MCUR1: variants seen among roughly 807,000 people sequenced by gnomAD.
MCUR1 encodes mitochondrial calcium uniporter regulator 1, also known as MCU regulator 1.
MCUR1 carries 37 observed loss-of-function variants against 42.0 expected under a neutral mutation model. The observed-to-expected ratio is 0.88, with a 90% CI of 0.68 to 1.16. The LOEUF (loss-of-function observed/expected upper bound fraction) is 1.16. Ranked by LOEUF, MCUR1 falls within the 50% of genes most tolerant of loss-of-function variation. The probability of loss-of-function intolerance (pLI) is 0.00; values close to 1 mark genes in which losing one functional copy is unlikely to be tolerated. For synonymous variants in MCUR1, 229 were observed against 196.2 expected (o/e 1.17, Z -1.40); for missense variants, 469 against 468.4 (o/e 1.00, Z -0.01).
At chr6:13,813,858 G>A (rs887733067) in intron 1 of MCUR1, among the ~76,000 whole-genome samples, 157 bp downstream of exon 1, 2 of 152,176 alleles carry the variant, frequency 1.3e-5, no homozygotes, top group Non-Finnish European at 1.5e-5. Context: ...GGGCGGGCCC[G>A]GACCTTCGAC....
Position 13,790,598 on chromosome 6 carries a change from C to T in MCUR1, c.*211G>A, listed in dbSNP as rs1759708007. 1 of 328,460 alleles carries T rather than the reference C, an allele frequency of 3.0e-6. No individual in the cohort carries two copies. The highest frequency in any genetic ancestry group is 2.2e-5 in the African/African-American group (1 of 44,742). The allele number at this position is 328,460 out of a possible 1,614,324, so 20.3% of individuals were successfully genotyped here. A position where few individuals can be genotyped will look rare whatever the true frequency, so the allele number is the denominator to read the frequency against. The stretch of plus-strand genomic sequence containing the variant: ...TCCCGAGTAGCTGGGACTACAGGCG[C>T]CCGCCACCACGCCCGCCTAATGTTT... On this transcript the variant is annotated 3_prime_UTR_variant, in exon 9 of 9. Coordinates refer to ENST00000379170, the MANE Select transcript of MCUR1 (RefSeq NM_001031713.4).
chr6:13,797,499 G>C (rs913467248), intron 6 of MCUR1, among the ~76,000 whole-genome samples: 1 of 149,632 alleles, frequency 6.7e-6, no homozygotes, highest in Non-Finnish European at 1.5e-5. Context: ...ACGAGGTCAG[G>C]AGATCGACAC....
intron 2 of MCUR1, among the ~76,000 whole-genome samples, chr6:13,803,157 G>A (rs931282302): frequency 2.0e-5 from 3 of 152,238 alleles, no homozygotes; most frequent in African/African-American, 7.2e-5. Context: ...CACCTCCCGG[G>A]TTCAAGCCAT....
chr6:13,804,190 G>A (rs934825916), intron 2 of MCUR1: 3 of 224,400 alleles, frequency 1.3e-5, no homozygotes, highest in Non-Finnish European at 2.8e-5. Context: ...AGGTGTGGTG[G>A]TGCATGCCTG....
Position 13,806,910 on chromosome 6 carries a change from A to G in MCUR1, c.535+15T>C. The G allele has an allele frequency of 6.3e-7, 1 of 1,574,988 alleles. No homozygotes were observed. Among genetic ancestry groups the G allele is most frequent in the African/African-American group, 1.4e-5 (1 of 73,750 alleles). ...GTTTTTCTAAGGCACTAAATGACGAATGACAGAGGATTACCATTGTCTTCC... is the reference window on the plus strand; with the variant it reads ...GTTTTTCTAAGGCACTAAATGACGAGTGACAGAGGATTACCATTGTCTTCC... On this transcript the variant is annotated intron_variant, in intron 2 of 8. Transcript: ENST00000379170.
intron 1 of MCUR1, 94 bp from the exon 2 acceptor site, chr6:13,807,138 C>T (rs1295635441): frequency 3.0e-6 from 4 of 1,351,338 alleles, no homozygotes; most frequent in East Asian, 2.4e-5. Flanking sequence ...CCAAAGCCTT[C>T]GTGGTACTTT....
chr6:13,804,739 G>A (rs1411330816), intron 2 of MCUR1, among the ~76,000 whole-genome samples: 1 of 141,444 alleles, frequency 7.1e-6, no homozygotes, highest in Non-Finnish European at 1.5e-5. Flanking sequence ...GCAGTGAGCC[G>A]AGATTGTGCC....
intron 1 of MCUR1, among the ~76,000 whole-genome samples, chr6:13,809,727 CAAAA>C (rs771632728): frequency 3.3e-5 from 4 of 119,578 alleles, no homozygotes; most frequent in Non-Finnish European, 3.6e-5. Context: ...GACCTCCTCT[CAAAA>C]AAAAAAAAAA....
intron 2 of MCUR1, among the ~76,000 whole-genome samples, chr6:13,803,133 C>T (rs1760028965): frequency 6.6e-6 from 1 of 152,128 alleles, no homozygotes; most frequent in South Asian, 2.1e-4. Context: ...GCGATCTCAG[C>T]TCACAGCAAC....
At chr6:13,799,371 G>A (rs376717127) in intron 5 of MCUR1, among the ~76,000 whole-genome samples, 1 of 152,196 alleles carries the variant, frequency 6.6e-6, no homozygotes, top group East Asian at 1.9e-4. Flanking sequence ...GTTTAGTAGA[G>A]ATGGGGTTTC....
At chr6:13,813,970 A>G in intron 1 of MCUR1, 45 bp downstream of exon 1, 4 of 1,226,014 alleles carry the variant, frequency 3.3e-6, no homozygotes, top group Non-Finnish European at 4.1e-6. Flanking sequence ...CCCGCCGTCC[A>G]ACCCCGCGAG....
intron 5 of MCUR1, among the ~76,000 whole-genome samples, chr6:13,799,154 G>A (rs1330845761): frequency 4.0e-5 from 6 of 151,828 alleles, no homozygotes; most frequent in Non-Finnish European, 8.8e-5. Flanking sequence ...CCCCTTCTAT[G>A]CTTATGCCAG....
Position 13,786,854 on chromosome 6 carries a change from T to C in MCUR1, c.*3955A>G, listed in dbSNP as rs1432237287. On this transcript the variant is annotated 3_prime_UTR_variant, in exon 9 of 9. Transcript: ENST00000379170. ...TAAGCAAAGGAACATAAGTGTAAAA[T>C]GTGTAGAAAGATAAATATTTTCCAA... The C allele has an allele frequency of 6.6e-6, 1 of 152,078 alleles. No individual in the cohort carries two copies. The highest frequency in any genetic ancestry group is 1.5e-5 in the Non-Finnish European group (1 of 68,002). The allele number at this position is 152,078 out of a possible 1,614,324, so 9.4% of individuals were successfully genotyped here.
At chr6:13,805,428 T>G (rs578151308) in intron 2 of MCUR1, among the ~76,000 whole-genome samples, 1 of 152,292 alleles carries the variant, frequency 6.6e-6, no homozygotes, top group African/African-American at 2.4e-5. Flanking sequence ...CATATGACAG[T>G]TTTTCCAAAG....
chr6:13,814,044 G>T lies in MCUR1; in HGVS notation c.386C>A (p.Pro129Gln). 8.1e-7 allele frequency: 1 copy of T among 1,237,046 alleles called. No individual in the cohort carries two copies. Among genetic ancestry groups the T allele is most frequent in the East Asian group, 3.1e-5 (1 of 31,766 alleles). 76.6% of individuals were successfully genotyped at this position (1,237,046 alleles called of 1,614,324 possible). ...CCTGCAGGAAACGAGTGCAGGCGCC[G>T]GGCCGTGGTACTGGGGAAGGGCGCC... ...AAGALPQYHG[P>Q]APALVSCRRE... Residue 129 changes from proline to glutamine, a missense_variant, in exon 1 of 9, where the codon CCG (proline) becomes CAG (glutamine). Pro to Gln is a moderately conservative substitution (Grantham distance 76). Transcript: ENST00000379170.
rs190394722 is a variant in MCUR1, at chr6:13,795,830, T to C, written c.856-1883A>G. ...GGCACCAAAAATCTCAGAAATCACC[T>C]CTAAATAACGTCTTCATGTAACCAA... On this transcript the variant is annotated intron_variant, in intron 6 of 8. Transcript: ENST00000379170. 7.2e-5 allele frequency among the ~76,000 whole-genome samples: 11 copies of C among 152,158 alleles called. No individual in the cohort carries two copies. In the East Asian group the frequency reaches 2.1e-3, roughly 29 times the overall value.
intron 1 of MCUR1, among the ~76,000 whole-genome samples, chr6:13,813,594 T>A (rs1760287295): frequency 1.3e-5 from 2 of 152,168 alleles, no homozygotes; most frequent in Admixed American, 6.5e-5. Context: ...CATCAGAATT[T>A]GAAATCAAAC....
At chr6:13,803,571 G>C (rs998299694) in intron 2 of MCUR1, among the ~76,000 whole-genome samples, 1 of 152,140 alleles carries the variant, frequency 6.6e-6, no homozygotes, top group Admixed American at 6.5e-5. Context: ...TGGCTGAGAT[G>C]AAGCATGGGA....
intron 2 of MCUR1, chr6:13,804,025 T>C: frequency 1.3e-5 from 13 of 974,836 alleles, no homozygotes; most frequent in Non-Finnish European, 1.6e-5. Flanking sequence ...TGTTTAAACA[T>C]AATTAGGTTT....
Sources: allele counts gnomAD v4.1 joint callset (sites outside exome capture counted in the v4.1 genomes callset), GRCh38; gene constraint gnomAD v4.1.1; transcripts MANE v1.5; gene names NCBI Gene and HGNC (gene_info 2026-07-23, HGNC 2026-07-21).